PRIM2: variants seen among roughly 807,000 people sequenced by gnomAD.
PRIM2 encodes the protein DNA primase subunit 2.
PRIM2 carries 39 observed loss-of-function variants against 67.3 expected under a neutral mutation model. The observed-to-expected ratio is 0.58, with a 90% CI of 0.45 to 0.76. The LOEUF is 0.76. Ranked by LOEUF, PRIM2 falls within the 30% of genes least tolerant of loss-of-function variation. PRIM2 has a pLI of 0.00. For synonymous variants in PRIM2, 143 were observed against 198.7 expected, an observed-to-expected ratio of 0.72 and a Z score of 2.36; for missense variants, 398 against 598.7, an observed-to-expected ratio of 0.66 and a Z score of 3.50.
rs1234036869 is a variant in PRIM2, at chr6:57,576,795, G to GA, written c.1021-24287dup. On this transcript the variant is annotated intron_variant, in intron 10 of 13. Coordinates refer to ENST00000615550, the MANE Select transcript of PRIM2 (RefSeq NM_000947.5). ...ATGGTTTAATGTTGCAAATTGCAAG[G>GA]AAAAAAAAAAACACTAAGACATCTG... is the stretch of plus-strand genomic sequence containing the variant. 5.8e-4 allele frequency among the ~76,000 whole-genome samples: 84 copies of GA among 145,510 alleles called. 1 individual carries two copies. The East Asian group carries it at 9.7e-3, about 17-fold the overall frequency.
intron 5 of PRIM2, among the ~76,000 whole-genome samples, chr6:57,355,281 G>C (rs111755964): frequency 0.12 from 17,691 of 146,468 alleles, 677 homozygotes; most frequent in African/African-American, 0.17. Flanking sequence ...TCCAGCCTGG[G>C]TAACAGCGAG....
At chr6:57,475,795 C>G (rs1319643278) in intron 7 of PRIM2, among the ~76,000 whole-genome samples, 11 of 152,140 alleles carry the variant, frequency 7.2e-5, no homozygotes, top group Admixed American at 6.5e-4. Flanking sequence ...GCCTAACATG[C>G]AAAACACTAT....
intron 5 of PRIM2, among the ~76,000 whole-genome samples, chr6:57,348,779 C>T (rs1768762359): frequency 2.4e-5 from 3 of 125,164 alleles, no homozygotes; most frequent in African/African-American, 9.1e-5. Flanking sequence ...GAGACAGAGT[C>T]TCTCTGTTGC....
At chr6:57,283,112 T>A in the PRIM2 span, among the ~76,000 whole-genome samples, 1 of 152,172 alleles carries the variant, frequency 6.6e-6, no homozygotes, top group African/African-American at 2.4e-5. Context: ...CAACACATTT[T>A]CCTCAAATAC....
In PRIM2 at chr6:57,467,120, AG is replaced by A. The variant is rs1428815440; in HGVS notation, c.694-40266del. ...AACTCCATCTCAAAAAAAAAAAAAA[AG>A]AAAAGAAAAAAAGATCCCATTTGTT... On this transcript the variant is annotated intron_variant, in intron 7 of 13. Coordinates refer to ENST00000615550, the MANE Select transcript of PRIM2 (RefSeq NM_000947.5). Among the ~76,000 whole-genome samples the A allele has an allele frequency of 7.6e-4, 112 of 146,554 alleles. 4 individuals carry two copies. The highest frequency in any genetic ancestry group is 2.8e-3 in the African/African-American group (106 of 38,490).
At chr6:57,386,866 G>A (rs555146677) in intron 7 of PRIM2, among the ~76,000 whole-genome samples, 3 of 151,970 alleles carry the variant, frequency 2.0e-5, no homozygotes, top group South Asian at 4.2e-4. Flanking sequence ...TTTTTGAAAG[G>A]TATTTTGATG....
chr6:57,379,868 AT>A, intron 5 of PRIM2, 32 bp from the exon 6 acceptor site: 1 of 1,523,416 alleles, frequency 6.6e-7, no homozygotes, highest in Non-Finnish European at 8.8e-7. Context: ...AGGACTTCAA[AT>A]TTTTGTAACA....
At chr6:57,533,262 T>C (rs1774930709) in intron 9 of PRIM2, among the ~76,000 whole-genome samples, 1 of 152,068 alleles carries the variant, frequency 6.6e-6, no homozygotes, top group Non-Finnish European at 1.5e-5. Flanking sequence ...AATTTCTCTT[T>C]AATACATAAC....
chr6:57,292,679 A>C, the PRIM2 span, among the ~76,000 whole-genome samples: 1 of 152,332 alleles, frequency 6.6e-6, no homozygotes, highest in Non-Finnish European at 1.5e-5. Context: ...CTCCGAAATA[A>C]CACCACACAT....
chr6:57,421,355 G>T (rs1771462978), intron 7 of PRIM2, among the ~76,000 whole-genome samples: 1 of 152,116 alleles, frequency 6.6e-6, no homozygotes, highest in African/African-American at 2.4e-5. Context: ...TTCCTTAACA[G>T]ATTTTTATCA....
chr6:57,296,884 AG>A, the PRIM2 span, among the ~76,000 whole-genome samples: 6 of 152,130 alleles, frequency 3.9e-5, no homozygotes, highest in African/African-American at 1.4e-4. Flanking sequence ...AGAAGTAAGA[AG>A]GTGCTCAAAA....
At chr6:57,618,103 C>G (rs1266203356) in intron 12 of PRIM2, among the ~76,000 whole-genome samples, 2 of 152,120 alleles carry the variant, frequency 1.3e-5, no homozygotes, top group Admixed American at 1.3e-4. Context: ...TATGTCTGTC[C>G]TTATGCCAGC....
intron 7 of PRIM2, among the ~76,000 whole-genome samples, chr6:57,419,210 G>A (rs2127370397): frequency 6.6e-6 from 1 of 152,180 alleles, no homozygotes; most frequent in Non-Finnish European, 1.5e-5. Context: ...GAGTGTGAGA[G>A]ATGTGCCCTA....
intron 13 of PRIM2, among the ~76,000 whole-genome samples, chr6:57,639,016 TC>T (rs1417297348): frequency 1.3e-5 from 2 of 152,068 alleles, no homozygotes; most frequent in African/African-American, 4.8e-5. Context: ...AGTAAAACAC[TC>T]CTCAGCATAT....
the PRIM2 span, among the ~76,000 whole-genome samples, chr6:57,256,122 C>T: frequency 6.6e-6 from 1 of 152,132 alleles, no homozygotes; most frequent in Non-Finnish European, 1.5e-5. Flanking sequence ...ATACTGATTA[C>T]AGTTGTGATG....
the PRIM2 span, among the ~76,000 whole-genome samples, chr6:57,296,812 G>A: frequency 6.6e-6 from 1 of 152,150 alleles, no homozygotes; most frequent in Non-Finnish European, 1.5e-5. Context: ...TTTGGAAAGT[G>A]CTTGATACCA....
At chr6:57,510,602 T>A (rs1554347627) in intron 8 of PRIM2, among the ~76,000 whole-genome samples, 6 of 152,166 alleles carry the variant, frequency 3.9e-5, no homozygotes, top group Admixed American at 1.3e-4. Context: ...CAACCAGGAC[T>A]AGATGCTACA....
At chr6:57,545,235 C>T (rs1775265678) in intron 10 of PRIM2, among the ~76,000 whole-genome samples, 1 of 151,894 alleles carries the variant, frequency 6.6e-6, no homozygotes, top group South Asian at 2.1e-4. Flanking sequence ...TATTACGATT[C>T]TTATAAAAAG....
the PRIM2 span, among the ~76,000 whole-genome samples, chr6:57,228,056 A>G: frequency 6.6e-6 from 1 of 152,198 alleles, no homozygotes; most frequent in Non-Finnish European, 1.5e-5. Context: ...TACTCAACAA[A>G]TATATAAAAC....
Sources: allele counts gnomAD v4.1 joint callset (sites outside exome capture counted in the v4.1 genomes callset), GRCh38; gene constraint gnomAD v4.1.1; transcripts MANE v1.5; gene names NCBI Gene and HGNC (gene_info 2026-07-23, HGNC 2026-07-21).